The following COL10A1 variants were observed in gnomAD, a reference collection of about 807,000 sequenced individuals.
COL10A1 encodes the protein collagen type X alpha 1 chain.
A neutral mutation model predicts 18.2 loss-of-function variants in COL10A1; 10 were observed. The ratio of observed to expected loss-of-function variants is 0.55; its 90% CI spans 0.34 to 0.93. The LOEUF is 0.93. COL10A1 is among the 40% of genes least tolerant of loss of function. The probability of loss-of-function intolerance (pLI) is 0.02; values close to 1 mark genes in which losing one functional copy is unlikely to be tolerated. For missense variants in COL10A1, 897 were observed against 853.5 expected (o/e 1.05, Z -0.64); for synonymous variants, 330 against 316.6 (o/e 1.04, Z -0.45).
At chr6:116,152,715 G>A (rs1780077195) in intron 1 of COL10A1, among the ~76,000 whole-genome samples, 1 of 151,982 alleles carries the variant, frequency 6.6e-6, no homozygotes, top group South Asian at 2.1e-4. Context: ...TCTTTTTACA[G>A]CCATACTTCT....
At position 116,120,180 on chromosome 6, in the gene COL10A1, C is replaced by G. The variant is rs1779067552; in HGVS notation, c.1936G>C (p.Glu646Gln). 1 of 1,614,010 alleles carries G rather than the reference C, an allele frequency of 6.2e-7. No homozygotes were observed. The highest frequency in any genetic ancestry group is 1.1e-5 in the South Asian group (1 of 91,080). ...ASGSAIIDLTENDQVWLQLPN... is the reference protein window; with the variant it reads ...ASGSAIIDLTQNDQVWLQLPN... ...AGCTGGAGCCACACCTGGTCATTTT[C>G]TGTGAGATCGATGATGGCACTCCCT... The change falls in exon 3 of 3, where the codon GAA becomes CAA. Residue 646 changes from glutamate to glutamine, a missense_variant. By Grantham distance (29) the Glu-to-Gln change is conservative. Coordinates refer to ENST00000651968, the MANE Select transcript of COL10A1 (RefSeq NM_000493.4).
At chr6:116,166,367 A>G in the COL10A1 span, among the ~76,000 whole-genome samples, 2 of 152,170 alleles carry the variant, frequency 1.3e-5, no homozygotes, top group South Asian at 4.1e-4. Context: ...ATTTTGATAC[A>G]TGGTGGTTGG....
At position 116,121,561 on chromosome 6, in the gene COL10A1, A is replaced by G. The variant is rs751125454; in HGVS notation, c.555T>C (p.Asn185=). 1.4e-5 allele frequency: 22 copies of G among 1,613,692 alleles called. No individual in the cohort carries two copies. The East Asian group carries it at 4.9e-4, about 36-fold the overall frequency. ...CATATCCCATTTCCCCTTTCTGTCC[A>G]TTCATACCAGGGACTCCTGGTGCAC... The part of the protein sequence containing the change: ...EKGAPGVPGM[N]GQKGEMGYGA... The change falls in exon 3 of 3, where the codon AAT becomes AAC. Residue 185 remains asparagine (N), a synonymous_variant. Coordinates refer to ENST00000651968, the MANE Select transcript of COL10A1 (RefSeq NM_000493.4).
chr6:116,145,468 A>C (rs1341660581), intron 1 of COL10A1: 1 of 385,032 alleles, frequency 2.6e-6, no homozygotes, highest in African/African-American at 2.0e-5. Flanking sequence ...TTGCTTCAGG[A>C]TATATCTACA....
At chr6:116,165,365 A>G in the COL10A1 span, among the ~76,000 whole-genome samples, 1 of 152,166 alleles carries the variant, frequency 6.6e-6, no homozygotes, top group Non-Finnish European at 1.5e-5. Flanking sequence ...TTTCTTCCAC[A>G]TGGATTTCTA....
At chr6:116,122,753 A>G (rs1316312382) in intron 2 of COL10A1, among the ~76,000 whole-genome samples, 2 of 152,230 alleles carry the variant, frequency 1.3e-5, no homozygotes, top group African/African-American at 4.8e-5. Context: ...TTTGGTGTAT[A>G]TAAATGCAGA....
the COL10A1 span, among the ~76,000 whole-genome samples, chr6:116,170,812 A>T: frequency 1.3e-5 from 2 of 152,114 alleles, no homozygotes; most frequent in African/African-American, 4.8e-5. Flanking sequence ...ACCTTAGAAG[A>T]TCTTGCAGTT....
rs76751368 is a variant in COL10A1 at position 116,139,926 on chromosome 6, G to A, written c.-15-14419C>T. 8.1e-3 allele frequency among the ~76,000 whole-genome samples: 1,236 copies of A among 152,232 alleles called. 20 individuals are homozygous for A. The highest frequency in any genetic ancestry group is 0.028 in the African/African-American group (1,172 of 41,528). On this transcript the variant is annotated intron_variant, in intron 1 of 1. Coordinates refer to the COL10A1 transcript ENST00000418500. ...TGATAGTTAGGTCTGATTCAACTTT[G>A]TGTTCAGATTGGACTTGTGTTTATT...
chr6:116,157,043 C>T (rs1303232773), intron 1 of COL10A1, among the ~76,000 whole-genome samples: 1 of 152,142 alleles, frequency 6.6e-6, no homozygotes, highest in Non-Finnish European at 1.5e-5. Context: ...CATAGCACTG[C>T]CTCCCTTCCA....
intron 1 of COL10A1, among the ~76,000 whole-genome samples, chr6:116,154,075 G>A (rs1481329532): frequency 2.1e-5 from 3 of 140,468 alleles, no homozygotes; most frequent in Admixed American, 7.3e-5. Context: ...TGGGCTAATT[G>A]AAGTGATTGA....
At chr6:116,170,344 A>C in the COL10A1 span, among the ~76,000 whole-genome samples, 1 of 152,180 alleles carries the variant, frequency 6.6e-6, no homozygotes, top group Admixed American at 6.5e-5. Context: ...CATAGAGTAC[A>C]GACTTAAGTT....
the COL10A1 span, among the ~76,000 whole-genome samples, chr6:116,191,244 G>C: frequency 1.3e-5 from 2 of 152,018 alleles, no homozygotes; most frequent in African/African-American, 4.8e-5. Context: ...GCAAGAATTT[G>C]TACCTCTGAC....
At chr6:116,207,519 T>G in the COL10A1 span, among the ~76,000 whole-genome samples, 1 of 151,938 alleles carries the variant, frequency 6.6e-6, no homozygotes, top group Non-Finnish European at 1.5e-5. Flanking sequence ...GTTTAAAAAG[T>G]CTTTCATCTT....
In COL10A1 at chr6:116,120,393, A is replaced by G; in HGVS notation, c.1723T>C (p.Leu575=). Residue 575 remains leucine, a synonymous_variant, in exon 3 of 3, where the codon TTG becomes CTG. Coordinates refer to ENST00000651968, the MANE Select transcript of COL10A1 (RefSeq NM_000493.4). ...IGTPIPFDKI[L]YNRQQHYDPR... ...TCATAATGCTGTTGCCTGTTATACA[A>G]AATTTTATCAAATGGTATGGGAGTT... The G allele has an allele frequency of 1.2e-6, 2 of 1,614,256 alleles. No individual in the cohort carries two copies. The highest frequency in any genetic ancestry group is 8.5e-7 in the Non-Finnish European group (1 of 1,180,038).
chr6:116,121,742 G>A lies in COL10A1; in HGVS notation c.374C>T (p.Pro125Leu). ...GCCAGCTGGTCCAACATCTCCTTTT[G>A]GTCCATATGGTCCTCTCTCTCCTGG... ...GKPGERGPYG[P>L]KGDVGPAGLP... is the part of the protein sequence containing the mutation. Residue 125 changes from proline (P) to leucine (L), a missense_variant, in exon 3 of 3, where the codon CCA becomes CTA. Transcript: ENST00000651968. 6.2e-7 allele frequency: 1 copy of A among 1,613,870 alleles called. No individual in the cohort carries two copies. Among genetic ancestry groups the A allele is most frequent in the Non-Finnish European group, 8.5e-7 (1 of 1,179,950 alleles).
chr6:116,202,216 C>A, the COL10A1 span, among the ~76,000 whole-genome samples: 4 of 152,012 alleles, frequency 2.6e-5, no homozygotes, highest in Non-Finnish European at 4.4e-5. Context: ...TACCTTAGCT[C>A]TGGGCCTTCC....
the COL10A1 span, among the ~76,000 whole-genome samples, chr6:116,210,756 T>G: frequency 6.6e-6 from 1 of 151,754 alleles, no homozygotes; most frequent in Non-Finnish European, 1.5e-5. Flanking sequence ...AAATAAATGT[T>G]AATGCCATAG....
the COL10A1 span, among the ~76,000 whole-genome samples, chr6:116,209,856 G>A: frequency 1.1e-4 from 17 of 151,988 alleles, no homozygotes; most frequent in East Asian, 3.3e-3. Flanking sequence ...ACCATTTAAA[G>A]CATTTGATTT....
At chr6:116,142,216 G>A (rs1467328388) in intron 1 of COL10A1, among the ~76,000 whole-genome samples, 1 of 151,464 alleles carries the variant, frequency 6.6e-6, no homozygotes, top group Non-Finnish European at 1.5e-5. Context: ...GAAGTTGTGG[G>A]ACCAAATTTA....
Sources: allele counts gnomAD v4.1 joint callset (sites outside exome capture counted in the v4.1 genomes callset), GRCh38; gene constraint gnomAD v4.1.1; transcripts MANE v1.5; gene names NCBI Gene and HGNC (gene_info 2026-07-23, HGNC 2026-07-21).